NRXN1: variants seen among roughly 807,000 people sequenced by gnomAD.
NRXN1 encodes the protein neurexin 1.
A neutral mutation model predicts 150.9 loss-of-function variants in NRXN1; 39 were observed. The ratio of observed to expected loss-of-function variants is 0.26; its 90% CI spans 0.20 to 0.34. The LOEUF is 0.34. Ranked by LOEUF, NRXN1 falls within the 10% of genes least tolerant of loss-of-function variation. NRXN1 has a pLI of 1.00. For missense variants in NRXN1, 1,815 were observed against 1,949.9 expected (o/e 0.93, Z 1.30); for synonymous variants, 924 against 757.0 (o/e 1.22, Z -3.62).
chr2:50,637,779 A>T lies in NRXN1; in HGVS notation c.833-14164T>A, dbSNP rs1305796221. Among the ~76,000 whole-genome samples the T allele has an allele frequency of 2.0e-5, 3 of 152,164 alleles. 1 individual carries two copies. Among genetic ancestry groups the T allele is most frequent in the Admixed American group, 2.0e-4 (3 of 15,272 alleles). ...AATAGGGATGAGGGGACAAGATTAT[A>T]AAGCAGGGACATGCCAGAGAATGGC... On this transcript the variant is annotated intron_variant, in intron 5 of 22. Coordinates refer to ENST00000401669, the MANE Select transcript of NRXN1 (RefSeq NM_001330078.2).
intron 21 of NRXN1, among the ~76,000 whole-genome samples, chr2:50,011,158 TC>T (rs1391702087): frequency 6.6e-6 from 1 of 152,162 alleles, no homozygotes; most frequent in Non-Finnish European, 1.5e-5. Context: ...CTGATATAGT[TC>T]TTGATGATCC....
At chr2:50,715,175 T>C (rs1055959320) in intron 5 of NRXN1, among the ~76,000 whole-genome samples, 2 of 152,166 alleles carry the variant, frequency 1.3e-5, no homozygotes, top group Non-Finnish European at 1.5e-5. Flanking sequence ...CAGAAATGAG[T>C]TTATTTTTAA....
intron 21 of NRXN1, among the ~76,000 whole-genome samples, chr2:49,979,244 C>G (rs1268652673): frequency 2.6e-5 from 4 of 152,090 alleles, no homozygotes; most frequent in African/African-American, 7.2e-5. Flanking sequence ...TTGCAGTAAG[C>G]CAAGATCATG....
chr2:50,464,941 G>A (rs1355761332), intron 17 of NRXN1, among the ~76,000 whole-genome samples: 2 of 151,804 alleles, frequency 1.3e-5, no homozygotes, highest in East Asian at 1.9e-4. Context: ...AACATAAGTT[G>A]CTAAGATACA....
intron 17 of NRXN1, among the ~76,000 whole-genome samples, chr2:50,243,563 G>C (rs895602498): frequency 1.9e-4 from 29 of 151,826 alleles, no homozygotes; most frequent in Non-Finnish European, 1.2e-4. Flanking sequence ...AAGTGATACT[G>C]TCTAGGATCA....
chr2:50,851,031 G>T (rs1420074871), intron 5 of NRXN1, among the ~76,000 whole-genome samples: 2 of 151,958 alleles, frequency 1.3e-5, no homozygotes, highest in Non-Finnish European at 2.9e-5. Flanking sequence ...TAATTCCTAG[G>T]GTTCAAAATA....
intron 5 of NRXN1, among the ~76,000 whole-genome samples, chr2:50,634,748 C>T (rs1051809507): frequency 8.5e-5 from 13 of 152,090 alleles, no homozygotes; most frequent in South Asian, 4.1e-4. Flanking sequence ...TCACCGCCCC[C>T]TCAAGACCTG....
rs116594954 is a variant in NRXN1 at position 50,990,572 on chromosome 2, A to G, written c.772+36930T>C. On this transcript the variant is annotated intron_variant, in intron 2 of 22. Transcript: ENST00000401669. ...GTACAGAGGGGAACCTTAGTGACAC[A>G]GTTTTTGGTTCTGTCATCAGGTGTA... Among the ~76,000 whole-genome samples, 421 of 152,142 alleles carry G rather than the reference A, an allele frequency of 2.8e-3. 2 individuals are homozygous for G. The highest frequency in any genetic ancestry group is 8.7e-3 in the African/African-American group (362 of 41,534).
At chr2:50,647,050 T>C (rs1001243029) in intron 5 of NRXN1, among the ~76,000 whole-genome samples, 1 of 151,830 alleles carries the variant, frequency 6.6e-6, no homozygotes, top group East Asian at 1.9e-4. Context: ...TTAGGTGGTC[T>C]GTTTTATGGT....
intron 5 of NRXN1, among the ~76,000 whole-genome samples, chr2:50,907,562 T>C (rs1401623528): frequency 2.0e-5 from 3 of 152,010 alleles, no homozygotes; most frequent in African/African-American, 4.8e-5. Flanking sequence ...GACCTAACTA[T>C]AGGGTAAGAA....
At chr2:50,639,947 G>A (rs1417984315) in intron 5 of NRXN1, among the ~76,000 whole-genome samples, 2 of 151,940 alleles carry the variant, frequency 1.3e-5, no homozygotes, top group African/African-American at 2.4e-5. Context: ...TCCCACAATA[G>A]GAATAGACTC....
At chr2:50,544,133 T>C (rs1445523941) in intron 9 of NRXN1, among the ~76,000 whole-genome samples, 2 of 152,050 alleles carry the variant, frequency 1.3e-5, no homozygotes, top group African/African-American at 4.8e-5. Context: ...GCTCCACCTG[T>C]CCCTACACAA....
At chr2:50,781,699 CT>C (rs1704374903) in intron 5 of NRXN1, among the ~76,000 whole-genome samples, 1 of 152,232 alleles carries the variant, frequency 6.6e-6, no homozygotes, top group Non-Finnish European at 1.5e-5. Flanking sequence ...TCTACAGAAT[CT>C]TTAAATATCA....
chr2:50,922,367 A>G (rs1383710503), intron 4 of NRXN1, among the ~76,000 whole-genome samples: 1 of 151,860 alleles, frequency 6.6e-6, no homozygotes, highest in East Asian at 1.9e-4. Flanking sequence ...CCTTTACTGC[A>G]TATGCTGATA....
intron 17 of NRXN1, among the ~76,000 whole-genome samples, chr2:50,237,942 T>G (rs2065627354): frequency 6.6e-6 from 1 of 152,112 alleles, no homozygotes; most frequent in African/African-American, 2.4e-5. Context: ...GATGGTTTTA[T>G]AAGTGTTTGA....
At chr2:50,197,656 C>T (rs772176272) in intron 18 of NRXN1, among the ~76,000 whole-genome samples, 11 of 152,082 alleles carry the variant, frequency 7.2e-5, no homozygotes, top group Non-Finnish European at 1.3e-4. Flanking sequence ...TAAGCAGTAT[C>T]TTAATTCTCT....
At chr2:50,477,271 G>C (rs2090066417) in intron 15 of NRXN1, among the ~76,000 whole-genome samples, 1 of 152,144 alleles carries the variant, frequency 6.6e-6, no homozygotes, top group African/African-American at 2.4e-5. Flanking sequence ...AATAATTAAA[G>C]ATAATGAGAA....
At chr2:50,316,275 G>A (rs2075596676) in intron 17 of NRXN1, among the ~76,000 whole-genome samples, 1 of 152,112 alleles carries the variant, frequency 6.6e-6, no homozygotes, top group East Asian at 1.9e-4. Context: ...CATTCCAACT[G>A]AAACCTTATG....
chr2:49,946,914 C>A (rs550851042), intron 21 of NRXN1, among the ~76,000 whole-genome samples: 4 of 152,164 alleles, frequency 2.6e-5, no homozygotes, highest in Non-Finnish European at 5.9e-5. Context: ...CTCTTAATGT[C>A]AGTGAAGATC....
Sources: gnomAD v4.1 joint callset for allele counts (sites outside exome capture counted in the v4.1 genomes callset) on GRCh38, gnomAD v4.1.1 for gene constraint, MANE v1.5 for transcripts, NCBI Gene and HGNC (gene_info 2026-07-23, HGNC 2026-07-21) for gene names.